KCND2: variants seen among roughly 807,000 people sequenced by gnomAD.
The protein encoded by KCND2 is A-type voltage-gated potassium channel KCND2.
KCND2 carries 16 observed loss-of-function variants against 54.4 expected under a neutral mutation model. The observed-to-expected ratio is 0.29, with a 90% CI of 0.20 to 0.45. KCND2 has a LOEUF of 0.45. Ranked by LOEUF, KCND2 falls within the 20% of genes least tolerant of loss-of-function variation. The probability of loss-of-function intolerance (pLI) is 1.00; values close to 1 mark genes in which losing one functional copy is unlikely to be tolerated. For synonymous variants in KCND2, 317 were observed against 310.7 expected, an observed-to-expected ratio of 1.02 and a Z score of -0.21; for missense variants, 486 against 824.2, an observed-to-expected ratio of 0.59 and a Z score of 5.02.
chr7:120,354,929 T>G (rs1458339632), intron 1 of KCND2, among the ~76,000 whole-genome samples: 1 of 152,222 alleles, frequency 6.6e-6, no homozygotes, highest in African/African-American at 2.4e-5. Flanking sequence ...AGGTGTATGT[T>G]CAAATGAGTA....
At chr7:120,644,301 C>G (rs776513444) in intron 1 of KCND2, among the ~76,000 whole-genome samples, 8 of 152,126 alleles carry the variant, frequency 5.3e-5, no homozygotes, top group Non-Finnish European at 1.0e-4. Flanking sequence ...TGGTCTCATA[C>G]TAGAACTCAG....
chr7:120,418,535 G>A (rs1801559807), intron 1 of KCND2, among the ~76,000 whole-genome samples: 2 of 152,178 alleles, frequency 1.3e-5, no homozygotes, highest in Admixed American at 6.5e-5. Context: ...ACCTTGGGCA[G>A]GGGTTGGTTT....
rs377320270 is a variant in KCND2 at position 120,286,766 on chromosome 7, C to T, written c.1115+11019C>T. ...ACCAAATTATAAAAATCTTATGACT[C>T]TATCAGACTTGTTTTGAAATTATAT... On this transcript the variant is annotated intron_variant, in intron 1 of 5. Transcript: ENST00000331113. Among the ~76,000 whole-genome samples the T allele has an allele frequency of 2.0e-5, 3 of 152,036 alleles. No individual in the cohort carries two copies. In the East Asian group the frequency reaches 5.8e-4, roughly 29 times the overall value.
At chr7:120,635,990 G>A (rs1793300214) in intron 1 of KCND2, among the ~76,000 whole-genome samples, 1 of 152,032 alleles carries the variant, frequency 6.6e-6, no homozygotes. Context: ...TGAACTATGG[G>A]CCCTAAAGCT....
intron 1 of KCND2, among the ~76,000 whole-genome samples, chr7:120,359,360 T>G (rs942171541): frequency 1.3e-5 from 2 of 152,130 alleles, no homozygotes; most frequent in African/African-American, 2.4e-5. Flanking sequence ...TGATGGCCTT[T>G]GACCTTTTCA....
intron 1 of KCND2, among the ~76,000 whole-genome samples, chr7:120,315,046 A>G (rs936579602): frequency 7.2e-5 from 11 of 152,150 alleles, no homozygotes; most frequent in Non-Finnish European, 1.5e-4. Context: ...TGAAAGATAT[A>G]TGGAAGTAAA....
chr7:120,634,164 C>T (rs1050142817), intron 1 of KCND2, among the ~76,000 whole-genome samples: 17 of 152,014 alleles, frequency 1.1e-4, no homozygotes, highest in African/African-American at 3.9e-4. Flanking sequence ...CATTTCAACC[C>T]GAGGCAAGAA....
At chr7:120,437,502 C>T (rs1256145007) in intron 1 of KCND2, among the ~76,000 whole-genome samples, 4 of 151,846 alleles carry the variant, frequency 2.6e-5, no homozygotes, top group Non-Finnish European at 5.9e-5. Flanking sequence ...GTGCCCAGCC[C>T]CAATATAGAA....
intron 1 of KCND2, among the ~76,000 whole-genome samples, chr7:120,484,618 G>T (rs1186567094): frequency 6.6e-6 from 1 of 151,320 alleles, no homozygotes; most frequent in African/African-American, 2.4e-5. Context: ...GATAGCTTTA[G>T]AGGCTCTTTT....
At chr7:120,495,692 A>G (rs1026896003) in intron 1 of KCND2, among the ~76,000 whole-genome samples, 1 of 152,194 alleles carries the variant, frequency 6.6e-6, no homozygotes, top group African/African-American at 2.4e-5. Flanking sequence ...TATTCTGGCT[A>G]AAGTCCAAAT....
intron 1 of KCND2, among the ~76,000 whole-genome samples, chr7:120,694,127 A>G (rs1379206827): frequency 1.3e-5 from 2 of 152,228 alleles, no homozygotes; most frequent in Non-Finnish European, 2.9e-5. Flanking sequence ...GAAGCTTGAC[A>G]AGCCATGTTG....
chr7:120,571,421 C>A (rs1382613127), intron 1 of KCND2, among the ~76,000 whole-genome samples: 1 of 152,144 alleles, frequency 6.6e-6, no homozygotes. Context: ...TTCCACATAG[C>A]AATGATTCAA....
chr7:120,367,756 G>A (rs1319404282), intron 1 of KCND2, among the ~76,000 whole-genome samples: 1 of 151,776 alleles, frequency 6.6e-6, no homozygotes, highest in East Asian at 1.9e-4. Flanking sequence ...AGCTTGTAGT[G>A]TCAATTAGTT....
intron 1 of KCND2, among the ~76,000 whole-genome samples, chr7:120,564,293 A>G (rs1358346661): frequency 1.3e-5 from 2 of 152,172 alleles, no homozygotes; most frequent in Admixed American, 6.6e-5. Context: ...CAGCAACGTG[A>G]TATTCTTCTT....
intron 1 of KCND2, among the ~76,000 whole-genome samples, chr7:120,292,867 A>G (rs1052568026): frequency 9.9e-5 from 15 of 151,742 alleles, no homozygotes; most frequent in African/African-American, 3.6e-4. Context: ...TTTGTTGTAT[A>G]ATGTGATTTC....
At chr7:120,601,101 T>G (rs1271796551) in intron 1 of KCND2, among the ~76,000 whole-genome samples, 1 of 152,098 alleles carries the variant, frequency 6.6e-6, no homozygotes. Flanking sequence ...TTATGCTAGG[T>G]GCTGAGAAGA....
At chr7:120,684,538 C>T (rs1205238374) in intron 1 of KCND2, among the ~76,000 whole-genome samples, 1 of 152,042 alleles carries the variant, frequency 6.6e-6, no homozygotes, top group East Asian at 1.9e-4. Flanking sequence ...TCTGGGTAGA[C>T]CTTAAGCGTC....
intron 1 of KCND2, among the ~76,000 whole-genome samples, chr7:120,606,847 T>C (rs900995510): frequency 2.0e-5 from 3 of 152,168 alleles, no homozygotes; most frequent in Non-Finnish European, 4.4e-5. Flanking sequence ...CCAACTTTGT[T>C]CTTGATTTTC....
chr7:120,425,395 T>A (rs1363319001), intron 1 of KCND2, among the ~76,000 whole-genome samples: 1 of 152,248 alleles, frequency 6.6e-6, no homozygotes, highest in African/African-American at 2.4e-5. Context: ...CGACAATATT[T>A]CTGAACAGTC....
Sources: gnomAD v4.1 joint callset for allele counts (sites outside exome capture counted in the v4.1 genomes callset) on GRCh38, gnomAD v4.1.1 for gene constraint, MANE v1.5 for transcripts, NCBI Gene and HGNC (gene_info 2026-07-23, HGNC 2026-07-21) for gene names.